Variants in SETD7 observed in about 807,000 individuals in gnomAD.
The protein encoded by SETD7 is histone-lysine N-methyltransferase SETD7.
SETD7 carries 16 observed loss-of-function variants against 41.8 expected under a neutral mutation model. The ratio of observed to expected loss-of-function variants is 0.38; its 90% confidence interval spans 0.26 to 0.58. The LOEUF is 0.58. Among genes scored for constraint, SETD7 ranks in the 20% least tolerant of loss-of-function variants. The probability of loss-of-function intolerance (pLI) is 0.64; values close to 1 mark genes in which losing one functional copy is unlikely to be tolerated. For synonymous variants in SETD7, 163 were observed against 169.7 expected, an observed-to-expected ratio of 0.96 and a Z score of 0.31; for missense variants, 346 against 459.7, an observed-to-expected ratio of 0.75 and a Z score of 2.26.
downstream of SETD7, among the ~76,000 whole-genome samples, chr4:139,504,113 G>T (rs1271028523): frequency 6.6e-6 from 1 of 152,172 alleles, no homozygotes; most frequent in Non-Finnish European, 1.5e-5. Context: ...CTTGTTATGT[G>T]AGATAGTAAA....
chr4:139,555,999 G>C lies in SETD7; in HGVS notation c.40+99C>G. On this transcript the variant is annotated intron_variant, in intron 1 of 7. Transcript: ENST00000274031. This position sits in a 1 kb window ranked among gnomAD's most constrained non-coding sequence, Gnocchi z 4.0. The stretch of plus-strand genomic sequence containing the variant: ...GGCCACCCGTGTAGGGGACAGTGGC[G>C]GCCGCGGGGCCCGGCGCCGCGCTGT... 7.8e-7 allele frequency: 1 copy of C among 1,275,876 alleles called. No individual in the cohort carries two copies. The highest frequency in any genetic ancestry group is 1.1e-6 in the Non-Finnish European group (1 of 946,508). 79.0% of individuals were successfully genotyped at this position (1,275,876 alleles called of 1,614,324 possible). A position where few individuals can be genotyped will look rare whatever the true frequency, so the allele number is the denominator to read the frequency against.
Position 139,511,764 on chromosome 4 carries a change from C to T in SETD7, c.1000G>A (p.Ala334Thr), listed in dbSNP as rs1726884379. ...GGGGGGCTGTGGTCATAGCCATAGG[C>T]AACGGTGAGCTCTTCATCGGCCTCC... ...AVEADEELTV[A>T]YGYDHSPPGK... Residue 334 changes from alanine to threonine, a missense_variant, in exon 8 of 8, where the codon GCC becomes ACC. Ala to Thr is a moderately conservative substitution (Grantham distance 58). Coordinates refer to ENST00000274031, the MANE Select transcript of SETD7 (RefSeq NM_030648.4). 5.6e-6 allele frequency: 9 copies of T among 1,614,054 alleles called. No homozygotes were observed. Among genetic ancestry groups the T allele is most frequent in the South Asian group, 1.1e-5 (1 of 91,086 alleles).
intron 4 of SETD7, among the ~76,000 whole-genome samples, chr4:139,524,502 T>C (rs1282518457): frequency 1.3e-5 from 2 of 152,140 alleles, no homozygotes; most frequent in Non-Finnish European, 2.9e-5. Flanking sequence ...GCTGGGGTAG[T>C]TGGAACTAGC....
In SETD7 at chr4:139,541,412, T is replaced by C. The variant is rs1247115700; in HGVS notation, c.170+5508A>G. On this transcript the variant is annotated intron_variant, in intron 2 of 7. Transcript: ENST00000274031. ...GTGTGTATCAAAGTATTTTGAACAC[T>C]ACACGTTTTCATCACACCCCATGGT... is the stretch of plus-strand genomic sequence containing the variant. Among the ~76,000 whole-genome samples the C allele has an allele frequency of 6.6e-5, 10 of 152,306 alleles. No homozygotes were observed. The East Asian group carries it at 1.9e-3, about 29-fold the overall frequency.
intron 3 of SETD7, among the ~76,000 whole-genome samples, chr4:139,530,400 A>T (rs1727451515): frequency 7.2e-6 from 1 of 138,950 alleles, no homozygotes; most frequent in African/African-American, 2.8e-5. Context: ...AGGGATGTAA[A>T]TTTAAAAATG....
chr4:139,504,416 A>C (rs1395577224), downstream of SETD7, among the ~76,000 whole-genome samples: 1 of 152,170 alleles, frequency 6.6e-6, no homozygotes, highest in Non-Finnish European at 1.5e-5. Flanking sequence ...GCAAGGTAAC[A>C]GTCATTTTCT....
At chr4:139,520,432 C>G in intron 5 of SETD7, 38 bp from the exon 6 acceptor site, 1 of 1,216,188 alleles carries the variant, frequency 8.2e-7, no homozygotes, top group East Asian at 2.4e-5. Context: ...ACCTTTTCAG[C>G]TTAATATGTC....
intron 1 of SETD7, among the ~76,000 whole-genome samples, chr4:139,552,316 T>C (rs1728133030): frequency 6.6e-6 from 1 of 152,228 alleles, no homozygotes; most frequent in Non-Finnish European, 1.5e-5. Context: ...GCTGCTTATT[T>C]TCATTCTGGC....
downstream of SETD7, among the ~76,000 whole-genome samples, chr4:139,504,373 T>G (rs1037851424): frequency 2.0e-5 from 3 of 152,142 alleles, no homozygotes; most frequent in African/African-American, 7.3e-5. Context: ...TACCATGATC[T>G]ATCTGTCTAT....
At chr4:139,501,613 A>AC, downstream of SETD7, among the ~76,000 whole-genome samples, 1 of 151,616 alleles carries the variant, frequency 6.6e-6, no homozygotes, top group Admixed American at 6.6e-5. Context: ...ACTCAAAAAA[A>AC]AACCCCAAAT....
rs1416799742 is a variant in SETD7, at chr4:139,529,093, C to T, written c.500G>A (p.Gly167Asp). The T allele has an allele frequency of 1.2e-6, 2 of 1,613,896 alleles. No individual in the cohort carries two copies. Among genetic ancestry groups the T allele is most frequent in the Non-Finnish European group, 1.7e-6 (2 of 1,179,984 alleles). The change falls in exon 4 of 8, where the codon GGC becomes GAC. Residue 167 changes from glycine (G) to aspartate (D), a missense_variant. Physicochemically the swap from Gly to Asp is moderately conservative, Grantham distance 94 (BLOSUM62 -1). Around this residue, in one of 3 missense-constraint regions of SETD7, gnomAD observed 266 missense variants for 377.0 expected, o/e 0.71. Coordinates refer to ENST00000274031, the MANE Select transcript of SETD7 (RefSeq NM_030648.4). ...GKFIDGEMIEGKLATLMSTEE... is the reference protein window; with the variant it reads ...GKFIDGEMIEDKLATLMSTEE... Reference sequence around the variant, plus strand: ...AGTGGACATAAGGGTAGCCAGTTTGCCTTCTATCATCTCTCCATCAATAAA... The same window carrying T: ...AGTGGACATAAGGGTAGCCAGTTTGTCTTCTATCATCTCTCCATCAATAAA...
At chr4:139,528,766 T>A (rs1727399803) in intron 4 of SETD7, among the ~76,000 whole-genome samples, 1 of 152,182 alleles carries the variant, frequency 6.6e-6, no homozygotes, top group Admixed American at 6.5e-5. Flanking sequence ...CAAAGAGAGC[T>A]GACTCAAACC....
In SETD7 at chr4:139,555,290, T is replaced by G; in HGVS notation, c.40+808A>C. On this transcript the variant is annotated intron_variant, in intron 1 of 7. Transcript: ENST00000274031. This position sits in a 1 kb window ranked among gnomAD's most constrained non-coding sequence, Gnocchi z 4.0. Reference sequence around the variant, plus strand: ...GCGGAGAAACACGACACTGAGGCGGTGATATCACCCACAGCCAACGGCATG... The same window carrying G: ...GCGGAGAAACACGACACTGAGGCGGGGATATCACCCACAGCCAACGGCATG... 1.4e-5 allele frequency among the ~76,000 whole-genome samples: 2 copies of G among 146,902 alleles called. No homozygotes were observed. The highest frequency in any genetic ancestry group is 5.1e-5 in the African/African-American group (2 of 39,056).
chr4:139,493,615 C>T (rs1196664843), downstream of SETD7, among the ~76,000 whole-genome samples: 82 of 151,842 alleles, frequency 5.4e-4, 1 homozygote, highest in Non-Finnish European at 8.8e-5. Flanking sequence ...TCCCAGCTCA[C>T]TGCAGCCTTG....
intron 1 of SETD7, among the ~76,000 whole-genome samples, chr4:139,549,745 T>C (rs1439418921): frequency 1.3e-5 from 2 of 150,856 alleles, no homozygotes; most frequent in Non-Finnish European, 3.0e-5. Flanking sequence ...GCTGGGACTA[T>C]AGGTAGACAT....
intron 1 of SETD7, among the ~76,000 whole-genome samples, chr4:139,548,929 C>T (rs1728036726): frequency 1.3e-5 from 2 of 152,086 alleles, no homozygotes; most frequent in Non-Finnish European, 1.5e-5. Context: ...AATTCAATGA[C>T]ATTTGAGTCA....
rs542834384 is a variant in SETD7 at position 139,531,356 on chromosome 4, C to T, written c.372+1809G>A. ...CAGGTAGTAGGAGAATCTAGTAATC[C>T]AACACTTTGCCTGCTTCCTATACTC... On this transcript the variant is annotated intron_variant, in intron 3 of 7. Coordinates refer to ENST00000274031, the MANE Select transcript of SETD7 (RefSeq NM_030648.4). Among the ~76,000 whole-genome samples the T allele has an allele frequency of 4.8e-4, 73 of 152,222 alleles. 1 individual carries two copies. The South Asian group carries it at 6.8e-3, about 14-fold the overall frequency.
At chr4:139,497,214 G>A (rs1273416082) in intron 7 of SETD7, among the ~76,000 whole-genome samples, 1 of 152,156 alleles carries the variant, frequency 6.6e-6, no homozygotes, top group Non-Finnish European at 1.5e-5. Context: ...CAGCACTTTG[G>A]GAGGCCGAGG....
intron 6 of SETD7, among the ~76,000 whole-genome samples, chr4:139,518,657 A>G (rs904201798): frequency 6.6e-6 from 1 of 152,202 alleles, no homozygotes; most frequent in Non-Finnish European, 1.5e-5. Flanking sequence ...AAAGAAGAGG[A>G]GGCAAAAGAA....
Sources: allele counts gnomAD v4.1 joint callset (sites outside exome capture counted in the v4.1 genomes callset), GRCh38; gene constraint gnomAD v4.1.1; regional missense constraint gnomAD v4.1.1; non-coding constraint Gnocchi (gnomAD v3.1); transcripts MANE v1.5; gene names NCBI Gene and HGNC (gene_info 2026-07-23, HGNC 2026-07-21).